BMERB1: variants seen among roughly 807,000 people sequenced by gnomAD.
BMERB1 encodes the protein bMERB domain containing 1.
BMERB1 carries 12 observed loss-of-function variants against 23.6 expected under a neutral mutation model. That is an observed-to-expected ratio of 0.51 (90% confidence interval 0.33 to 0.82). The LOEUF is 0.82. BMERB1 is among the 40% of genes least tolerant of loss of function. The pLI is 0.03. For synonymous variants in BMERB1, 122 were observed against 96.6 expected (o/e 1.26, Z -1.54); for missense variants, 247 against 255.4 (o/e 0.97, Z 0.22).
intron 1 of BMERB1, among the ~76,000 whole-genome samples, chr16:15,506,910 T>A (rs1413942152): frequency 6.6e-6 from 1 of 152,138 alleles, no homozygotes; most frequent in African/African-American, 2.4e-5. Context: ...ACAGAACCCT[T>A]GATGTTGCTG....
At chr16:15,522,756 T>A (rs1413016654) in intron 2 of BMERB1, among the ~76,000 whole-genome samples, 1 of 152,092 alleles carries the variant, frequency 6.6e-6, no homozygotes, top group African/African-American at 2.4e-5. Flanking sequence ...GCCCCGCTGC[T>A]CAAACCTCTA....
At chr16:15,544,578 G>C (rs763198709) in intron 2 of BMERB1, among the ~76,000 whole-genome samples, 11 of 152,188 alleles carry the variant, frequency 7.2e-5, no homozygotes, top group Non-Finnish European at 1.0e-4. Context: ...CTGGCAGCCG[G>C]GAGCTGGCTT....
At chr16:15,574,503 A>G (rs533723503) in intron 3 of BMERB1, among the ~76,000 whole-genome samples, 2 of 152,210 alleles carry the variant, frequency 1.3e-5, no homozygotes, top group South Asian at 4.1e-4. Flanking sequence ...ATGAACAAGG[A>G]CAGCTTGGAG....
At chr16:15,445,048 G>A (rs977535367) in intron 1 of BMERB1, among the ~76,000 whole-genome samples, 1 of 152,066 alleles carries the variant, frequency 6.6e-6, no homozygotes, top group Non-Finnish European at 1.5e-5. Context: ...ACACCACCAC[G>A]TGTGGCTAAT....
Position 15,434,774 on chromosome 16 carries a change from G to T in BMERB1, c.106+15G>T, listed in dbSNP as rs1471117590. The T allele has an allele frequency of 3.6e-6, 2 of 557,074 alleles. No homozygotes were observed. The highest frequency in any genetic ancestry group is 2.9e-5 in the Admixed American group (1 of 35,076). The allele number at this position is 557,074 out of a possible 1,614,324, so 34.5% of individuals were successfully genotyped here. On this transcript the variant is annotated intron_variant, in intron 1 of 5. Coordinates refer to ENST00000300006, the MANE Select transcript of BMERB1 (RefSeq NM_033201.3). ...ACTGGGGAGAAGTGAGTACTGGGGC[G>T]GGGGGCGGGGGGCCGGGGACAGCTG...
At chr16:15,512,377 G>A (rs759219053) in intron 1 of BMERB1, among the ~76,000 whole-genome samples, 7 of 152,154 alleles carry the variant, frequency 4.6e-5, no homozygotes, top group Admixed American at 2.0e-4. Context: ...AAATCACAGC[G>A]CCCTAAACCC....
chr16:15,489,352 G>A (rs192466197), intron 1 of BMERB1, among the ~76,000 whole-genome samples: 72 of 152,238 alleles, frequency 4.7e-4, no homozygotes, highest in Non-Finnish European at 8.1e-4. Flanking sequence ...TGAACAAAAT[G>A]TATAGGGGAC....
At chr16:15,436,417 C>T (rs2050888715) in intron 1 of BMERB1, among the ~76,000 whole-genome samples, 1 of 152,030 alleles carries the variant, frequency 6.6e-6, no homozygotes. Flanking sequence ...CGCCACCATG[C>T]CTGGCTAACT....
At chr16:15,577,825 G>C (rs1044638571) in intron 3 of BMERB1, among the ~76,000 whole-genome samples, 9 of 152,218 alleles carry the variant, frequency 5.9e-5, no homozygotes, top group African/African-American at 2.2e-4. Context: ...CACCAGTTGA[G>C]TGTTCCTAGA....
At chr16:15,533,315 G>C (rs560326101) in intron 2 of BMERB1, among the ~76,000 whole-genome samples, 1 of 152,064 alleles carries the variant, frequency 6.6e-6, no homozygotes, top group African/African-American at 2.4e-5. Context: ...TTGAAACGAC[G>C]AGAGAAGTCT....
chr16:15,518,141 T>C (rs2051797287), intron 2 of BMERB1, among the ~76,000 whole-genome samples: 1 of 152,186 alleles, frequency 6.6e-6, no homozygotes, highest in South Asian at 2.1e-4. Flanking sequence ...AAGAGGCAGC[T>C]CTGCAGTAAG....
chr16:15,579,909 A>G (rs1030058485), intron 3 of BMERB1, among the ~76,000 whole-genome samples: 4 of 152,136 alleles, frequency 2.6e-5, no homozygotes, highest in East Asian at 1.9e-4. Context: ...TAAGCCATTT[A>G]CTAACACTAC....
At chr16:15,448,505 T>C (rs546797443) in intron 1 of BMERB1, among the ~76,000 whole-genome samples, 8 of 152,274 alleles carry the variant, frequency 5.3e-5, no homozygotes, top group Non-Finnish European at 1.2e-4. Context: ...CAGTTAAAAA[T>C]ATCAGCATCC....
chr16:15,476,670 G>C (rs1407188680), intron 1 of BMERB1, among the ~76,000 whole-genome samples: 1 of 152,208 alleles, frequency 6.6e-6, no homozygotes, highest in Admixed American at 6.5e-5. Context: ...GAAGAGTCAT[G>C]GTGAGTAGCC....
intron 3 of BMERB1, among the ~76,000 whole-genome samples, chr16:15,577,849 C>G (rs1276182239): frequency 2.2e-4 from 34 of 152,224 alleles, no homozygotes; most frequent in Admixed American, 2.2e-3. Flanking sequence ...AGGTCATATA[C>G]CAGTTAGACT....
At chr16:15,519,953 G>T (rs1046816521) in intron 2 of BMERB1, among the ~76,000 whole-genome samples, 1 of 152,176 alleles carries the variant, frequency 6.6e-6, no homozygotes, top group Admixed American at 6.6e-5. Flanking sequence ...GCTCTCTGAC[G>T]TCCTTGGTCT....
chr16:15,532,251 A>T (rs188558942), intron 2 of BMERB1, among the ~76,000 whole-genome samples: 9 of 150,852 alleles, frequency 6.0e-5, no homozygotes, highest in African/African-American at 1.7e-4. Context: ...TTTTTTTTTG[A>T]GACAAAGTCT....
intron 2 of BMERB1, among the ~76,000 whole-genome samples, chr16:15,528,651 G>T (rs555287432): frequency 1.3e-5 from 2 of 150,628 alleles, no homozygotes; most frequent in South Asian, 4.2e-4. Context: ...CCCTCCTGCC[G>T]TGGGGGCCTT....
At chr16:15,513,837 T>C (rs928867984) in intron 1 of BMERB1, among the ~76,000 whole-genome samples, 1 of 151,900 alleles carries the variant, frequency 6.6e-6, no homozygotes, top group African/African-American at 2.4e-5. Context: ...AAGGTTGCAT[T>C]GAGCCAAGAT....
Sources: allele counts gnomAD v4.1 joint callset (sites outside exome capture counted in the v4.1 genomes callset), GRCh38; gene constraint gnomAD v4.1.1; transcripts MANE v1.5; gene names NCBI Gene and HGNC (gene_info 2026-07-23, HGNC 2026-07-21).